ADGRB3: variants seen among roughly 807,000 people sequenced by gnomAD.
ADGRB3 encodes brain-specific angiogenesis inhibitor 3.
ADGRB3 carries 37 observed loss-of-function variants against 193.4 expected under a neutral mutation model. The observed-to-expected ratio is 0.19, with a 90% CI of 0.15 to 0.25. The LOEUF (loss-of-function observed/expected upper bound fraction) is 0.25, where lower values mean the gene tolerates loss of function less well. ADGRB3 is among the 10% of genes least tolerant of loss of function. The pLI is 1.00. For synonymous variants in ADGRB3, 690 were observed against 644.2 expected (o/e 1.07, Z -1.08); for missense variants, 1,637 against 1,852.9 (o/e 0.88, Z 2.14).
At position 68,678,822 on chromosome 6, in the gene ADGRB3, C is replaced by T. The variant is rs117630400; in HGVS notation, c.757+39390C>T. Among the ~76,000 whole-genome samples, 41 of 152,096 alleles carry T rather than the reference C, an allele frequency of 2.7e-4. 1 individual carries two copies. In the East Asian group the frequency reaches 6.8e-3, roughly 25 times the overall value. On this transcript the variant is annotated intron_variant, in intron 3 of 31. Transcript: ENST00000370598. Reference sequence around the variant, plus strand: ...GTATTGATTCCAGGATTCAGTGAAACTCTTGAATTTAATAATTAAAATAAT... The same window carrying T: ...GTATTGATTCCAGGATTCAGTGAAATTCTTGAATTTAATAATTAAAATAAT...
intron 3 of ADGRB3, among the ~76,000 whole-genome samples, chr6:68,755,989 A>G (rs1766291889): frequency 6.6e-6 from 1 of 152,196 alleles, no homozygotes; most frequent in African/African-American, 2.4e-5. Context: ...GGTAGAGGAA[A>G]AAATGCTTCT....
At chr6:69,212,584 C>A (rs1407333668) in intron 17 of ADGRB3, among the ~76,000 whole-genome samples, 1 of 152,064 alleles carries the variant, frequency 6.6e-6, no homozygotes, top group Non-Finnish European at 1.5e-5. Flanking sequence ...TTTTATTCCT[C>A]CAGACATTCA....
At chr6:69,257,373 A>T (rs953259749) in intron 20 of ADGRB3, among the ~76,000 whole-genome samples, 1 of 152,130 alleles carries the variant, frequency 6.6e-6, no homozygotes, top group African/African-American at 2.4e-5. Context: ...TATTGCCACA[A>T]TTTCAGAGCC....
intron 17 of ADGRB3, among the ~76,000 whole-genome samples, chr6:69,086,717 A>T (rs892301070): frequency 3.3e-5 from 5 of 152,128 alleles, no homozygotes; most frequent in Non-Finnish European, 7.4e-5. Flanking sequence ...AGAAATTTTT[A>T]TTTATTTAAA....
intron 20 of ADGRB3, among the ~76,000 whole-genome samples, chr6:69,243,355 C>T (rs1226976742): frequency 6.6e-6 from 1 of 151,962 alleles, no homozygotes. Context: ...TACTTTCACC[C>T]ACCCTGTATG....
intron 3 of ADGRB3, among the ~76,000 whole-genome samples, chr6:68,905,540 G>A: frequency 6.6e-6 from 1 of 152,118 alleles, no homozygotes; most frequent in East Asian, 1.9e-4. Context: ...CAATAGCAAT[G>A]ACAATTCTAG....
intron 18 of ADGRB3, among the ~76,000 whole-genome samples, chr6:69,233,708 G>A (rs1041895382): frequency 1.3e-5 from 2 of 152,090 alleles, no homozygotes; most frequent in Non-Finnish European, 2.9e-5. Context: ...AAAAATAATT[G>A]TCAACTTAAC....
At chr6:68,689,599 AAG>A (rs1491391691) in intron 3 of ADGRB3, among the ~76,000 whole-genome samples, 1 of 152,186 alleles carries the variant, frequency 6.6e-6, no homozygotes, top group East Asian at 1.9e-4. Context: ...CTCCATGAAA[AAG>A]AGAGCAAAAT....
At chr6:69,062,392 A>G (rs1255213436) in intron 15 of ADGRB3, among the ~76,000 whole-genome samples, 2 of 151,942 alleles carry the variant, frequency 1.3e-5, no homozygotes, top group South Asian at 2.1e-4. Context: ...TGGCCTGTCA[A>G]TCTCTATTGT....
chr6:69,354,597 A>G (rs577574463), intron 27 of ADGRB3, among the ~76,000 whole-genome samples: 1 of 152,238 alleles, frequency 6.6e-6, no homozygotes, highest in South Asian at 2.1e-4. Flanking sequence ...ATTAGGGCTA[A>G]TGATTTATGC....
intron 20 of ADGRB3, among the ~76,000 whole-genome samples, chr6:69,293,697 G>T (rs1206358937): frequency 1.3e-5 from 2 of 152,062 alleles, no homozygotes; most frequent in Admixed American, 1.3e-4. Context: ...ACAGCCTCTT[G>T]GCTACCTTGT....
chr6:68,887,561 T>C (rs1765945698), intron 3 of ADGRB3, among the ~76,000 whole-genome samples: 1 of 152,104 alleles, frequency 6.6e-6, no homozygotes, highest in Admixed American at 6.6e-5. Flanking sequence ...TCTGCTATTA[T>C]AATGGAAAAA....
intron 3 of ADGRB3, among the ~76,000 whole-genome samples, chr6:68,790,537 C>T (rs566638866): frequency 6.6e-6 from 1 of 152,136 alleles, no homozygotes; most frequent in Non-Finnish European, 1.5e-5. Context: ...GAGGCACCCC[C>T]GAGTAGGGGC....
At chr6:68,700,439 C>G (rs902983284) in intron 3 of ADGRB3, among the ~76,000 whole-genome samples, 1 of 151,914 alleles carries the variant, frequency 6.6e-6, no homozygotes, top group Non-Finnish European at 1.5e-5. Context: ...TTAGCATTAT[C>G]TGATCATAGA....
intron 3 of ADGRB3, among the ~76,000 whole-genome samples, chr6:68,693,506 A>G (rs771243813): frequency 2.6e-5 from 4 of 152,022 alleles, no homozygotes; most frequent in Admixed American, 1.3e-4. Context: ...ACTCAAGTTG[A>G]AAGCAAAGTG....
intron 3 of ADGRB3, among the ~76,000 whole-genome samples, chr6:68,916,659 A>C (rs547044395): frequency 6.6e-6 from 1 of 152,330 alleles, no homozygotes; most frequent in Admixed American, 6.5e-5. Context: ...GGTCTCTTGA[A>C]AGGGGTGAAA....
intron 3 of ADGRB3, among the ~76,000 whole-genome samples, chr6:68,883,809 T>G (rs1765813913): frequency 6.6e-6 from 1 of 151,712 alleles, no homozygotes; most frequent in Admixed American, 6.5e-5. Flanking sequence ...GCTTCATTCT[T>G]GAAGTCGGTG....
chr6:68,715,357 A>T (rs771339182), intron 3 of ADGRB3, among the ~76,000 whole-genome samples: 59 of 151,710 alleles, frequency 3.9e-4, no homozygotes, highest in Non-Finnish European at 7.7e-4. Flanking sequence ...TACTGAGGTT[A>T]TATCAAATAC....
At chr6:68,746,218 T>C (rs1319402334) in intron 3 of ADGRB3, among the ~76,000 whole-genome samples, 1 of 152,006 alleles carries the variant, frequency 6.6e-6, no homozygotes, top group African/African-American at 2.4e-5. Flanking sequence ...TGTTTACTAA[T>C]GTAATTTTTA....
Sources: gnomAD v4.1 joint callset for allele counts (sites outside exome capture counted in the v4.1 genomes callset) on GRCh38, gnomAD v4.1.1 for gene constraint, MANE v1.5 for transcripts, NCBI Gene and HGNC (gene_info 2026-07-23, HGNC 2026-07-21) for gene names.